Variants in MFAP5 observed in about 807,000 individuals in gnomAD.
MFAP5 encodes microfibril associated protein 5.
Under a neutral mutation model 30.1 loss-of-function variants are expected in MFAP5, and 19 were observed. The ratio of observed to expected loss-of-function variants is 0.63; its 90% CI spans 0.44 to 0.93. The LOEUF is 0.93. MFAP5 is among the 40% of genes least tolerant of loss of function. The pLI is 0.00. For synonymous variants in MFAP5, 92 were observed against 72.9 expected (o/e 1.26, Z -1.33); for missense variants, 210 against 221.3 (o/e 0.95, Z 0.32).
chr12:8,658,992 C>CTT (rs71045203), intron 3 of MFAP5, among the ~76,000 whole-genome samples: 1,623 of 123,682 alleles, frequency 0.013, 42 homozygotes, highest in African/African-American at 0.038. Flanking sequence ...CCACACCTGG[C>CTT]TTTTTTTTTT....
chr12:8,660,979 T>C, intron 2 of MFAP5, 81 bp from the exon 3 acceptor site: 1 of 1,214,692 alleles, frequency 8.2e-7, no homozygotes, highest in Non-Finnish European at 1.2e-6. Context: ...AATCAGAAAA[T>C]CATGGAGAAA....
At chr12:8,651,444 G>A (rs1460099332) in intron 7 of MFAP5, among the ~76,000 whole-genome samples, 3 of 152,036 alleles carry the variant, frequency 2.0e-5, no homozygotes, top group Non-Finnish European at 4.4e-5. Flanking sequence ...GGCTATTTGG[G>A]GACCATGCAA....
rs146558268 is a variant in MFAP5 at position 8,654,459 on chromosome 12, A to T, written c.195T>A (p.Ile65=). 414 of 1,604,150 alleles carry T rather than the reference A, an allele frequency of 2.6e-4. No homozygotes were observed. The highest frequency in any genetic ancestry group is 3.4e-4 in the Non-Finnish European group (400 of 1,175,414). The change falls in exon 6 of 10, where the codon ATT becomes ATA. Residue 65 remains isoleucine, a synonymous_variant. Transcript: ENST00000359478. ...DETVLAVLAD[I]APSTDDLASL... ...CACCCAAGTCATCTGTGGAAGGTGC[A>T]ATATCAGCCAAAACAGCCAAAACTG...
Position 8,662,649 on chromosome 12 carries a change from C to T in MFAP5, c.-25G>A, listed in dbSNP as rs1343331764. 6.5e-6 allele frequency: 1 copy of T among 153,592 alleles called. No homozygotes were observed. Among genetic ancestry groups the T allele is most frequent in the Non-Finnish European group, 1.4e-5 (1 of 69,054 alleles). 9.5% of individuals were successfully genotyped at this position (153,592 alleles called of 1,614,324 possible). A position where few individuals can be genotyped will look rare whatever the true frequency, so the allele number is the denominator to read the frequency against. On this transcript the variant is annotated 5_prime_UTR_variant, in exon 1 of 10. Coordinates refer to ENST00000359478, the MANE Select transcript of MFAP5 (RefSeq NM_003480.4). ...CACTGTCTATGGTGTTCTGCTCTTTCCACCGAGTCCTTTGGCTGCTGAATG... is the reference window on the plus strand; with the variant it reads ...CACTGTCTATGGTGTTCTGCTCTTTTCACCGAGTCCTTTGGCTGCTGAATG...
intron 3 of MFAP5, among the ~76,000 whole-genome samples, chr12:8,657,733 G>A (rs957116728): frequency 6.6e-6 from 1 of 151,480 alleles, no homozygotes; most frequent in Non-Finnish European, 1.5e-5. Flanking sequence ...CACCATGCCC[G>A]ACTAGTTTTT....
Position 8,646,155 on chromosome 12 carries a change from C to A in MFAP5, c.*1936G>T, listed in dbSNP as rs962818907. 6.6e-6 allele frequency: 1 copy of A among 152,572 alleles called. No homozygotes were observed. Among genetic ancestry groups the A allele is most frequent in the African/African-American group, 2.4e-5 (1 of 41,416 alleles). The allele number at this position is 152,572 out of a possible 1,614,324, so 9.5% of individuals were successfully genotyped here. A position where few individuals can be genotyped will look rare whatever the true frequency, so the allele number is the denominator to read the frequency against. The stretch of plus-strand genomic sequence containing the variant: ...GTTTCTCTAAAGTGGCTAAAATATG[C>A]ATTTAATATGTTGTCTAAATGAGTA... On this transcript the variant is annotated 3_prime_UTR_variant, in exon 10 of 10. Coordinates refer to ENST00000359478, the MANE Select transcript of MFAP5 (RefSeq NM_003480.4).
At chr12:8,660,820 T>G (rs776693072) in intron 3 of MFAP5, 43 bp downstream of exon 3, 2 of 1,563,804 alleles carry the variant, frequency 1.3e-6, no homozygotes, top group Non-Finnish European at 1.7e-6. Flanking sequence ...TAAATTTTCC[T>G]GATAAGAACC....
intron 2 of MFAP5, 126 bp downstream of exon 2, chr12:8,661,921 T>C: frequency 3.2e-6 from 3 of 938,392 alleles, no homozygotes; most frequent in East Asian, 5.0e-5. Flanking sequence ...CTAATAGGAA[T>C]TCCAGAGCTC....
intron 3 of MFAP5, among the ~76,000 whole-genome samples, chr12:8,659,234 G>A (rs35379247): frequency 0.079 from 11,930 of 151,754 alleles, 529 homozygotes; most frequent in Non-Finnish European, 0.084. Context: ...CTTGTACTTG[G>A]GAGATGGAGG....
chr12:8,660,272 G>A (rs919594794), intron 3 of MFAP5, among the ~76,000 whole-genome samples: 1 of 147,460 alleles, frequency 6.8e-6, no homozygotes, highest in African/African-American at 2.5e-5. Context: ...CACTGCAACC[G>A]CAGCCTCCTG....
chr12:8,652,412 T>G (rs1941861315), intron 6 of MFAP5, among the ~76,000 whole-genome samples: 1 of 151,468 alleles, frequency 6.6e-6, no homozygotes, highest in African/African-American at 2.4e-5. Context: ...ACCATTGCAC[T>G]CCAGCCTAGG....
intron 3 of MFAP5, among the ~76,000 whole-genome samples, chr12:8,657,832 G>A (rs1942048284): frequency 6.6e-6 from 1 of 151,782 alleles, no homozygotes; most frequent in Non-Finnish European, 1.5e-5. Flanking sequence ...TTGGCCTCCC[G>A]AAGTGCTGGG....
At position 8,648,076 on chromosome 12, in the gene MFAP5, C is replaced by G; in HGVS notation, c.*15G>C. On this transcript the variant is annotated 3_prime_UTR_variant, in exon 10 of 10. Coordinates refer to ENST00000359478, the MANE Select transcript of MFAP5 (RefSeq NM_003480.4). ...CTCACCCATACATTTTTTCTTCTTTCCTCTTTTTCAATGATCACAGACCAT... is the reference window on the plus strand; with the variant it reads ...CTCACCCATACATTTTTTCTTCTTTGCTCTTTTTCAATGATCACAGACCAT... 2.5e-6 allele frequency: 4 copies of G among 1,591,038 alleles called. No individual in the cohort carries two copies. Among genetic ancestry groups the G allele is most frequent in the Non-Finnish European group, 3.4e-6 (4 of 1,161,232 alleles).
rs1941814919 is a variant in MFAP5, at chr12:8,650,719, A to C, written c.248-130T>G. On this transcript the variant is annotated intron_variant, in intron 7 of 9. Coordinates refer to ENST00000359478, the MANE Select transcript of MFAP5 (RefSeq NM_003480.4). ...AGTAATCTCTACAGAGAATCATTAT[A>C]AATTGGGCTACATCCTTTCCGTCCA... The C allele has an allele frequency of 1.0e-5, 8 of 763,666 alleles. No individual in the cohort carries two copies. In the South Asian group the frequency reaches 1.4e-4, roughly 13 times the overall value. The allele number at this position is 763,666 out of a possible 1,614,324, so 47.3% of individuals were successfully genotyped here.
At chr12:8,654,896 G>T (rs1354165482) in intron 5 of MFAP5, among the ~76,000 whole-genome samples, 1 of 149,940 alleles carries the variant, frequency 6.7e-6, no homozygotes, top group African/African-American at 2.5e-5. Flanking sequence ...AGCTGAGGTT[G>T]TGCTGCTGCA....
intron 6 of MFAP5, among the ~76,000 whole-genome samples, chr12:8,652,264 G>A (rs1178178909): frequency 2.6e-5 from 4 of 151,862 alleles, no homozygotes; most frequent in East Asian, 1.9e-4. Context: ...GGCCAACATG[G>A]TGAAACCCCC....
intron 3 of MFAP5, chr12:8,658,458 G>A (rs1387699364): frequency 6.6e-6 from 1 of 151,958 alleles, no homozygotes; most frequent in African/African-American, 2.4e-5. Context: ...TTGATTGGAA[G>A]AACAATCTTT....
intron 4 of MFAP5, 141 bp from the exon 5 acceptor site, chr12:8,655,588 C>T (rs1393390682): frequency 5.9e-6 from 6 of 1,016,326 alleles, no homozygotes; most frequent in East Asian, 5.0e-5. Context: ...GAGGGACTAT[C>T]GCAGAAAGAA....
rs919587128 is a variant in MFAP5, at chr12:8,654,535, G to A, written c.173-54C>T. 19 of 1,519,600 alleles carry A rather than the reference G, an allele frequency of 1.3e-5. No homozygotes were observed. In the African/African-American group the frequency reaches 1.8e-4, roughly 14 times the overall value. 94.1% of individuals were successfully genotyped at this position (1,519,600 alleles called of 1,614,324 possible). On this transcript the variant is annotated intron_variant, in intron 5 of 9. Coordinates refer to ENST00000359478, the MANE Select transcript of MFAP5 (RefSeq NM_003480.4). Reference sequence around the variant, plus strand: ...GGAGGGCTTCAAATTGCAAACACAAGGCAGAGTAAGAAAAGGGAGAATGGA... The same window carrying A: ...GGAGGGCTTCAAATTGCAAACACAAAGCAGAGTAAGAAAAGGGAGAATGGA...
Sources: gnomAD v4.1 joint callset for allele counts (sites outside exome capture counted in the v4.1 genomes callset) on GRCh38, gnomAD v4.1.1 for gene constraint, MANE v1.5 for transcripts, NCBI Gene and HGNC (gene_info 2026-07-23, HGNC 2026-07-21) for gene names.